Variants in CUL5 observed in about 807,000 individuals in gnomAD.
CUL5 encodes the protein cullin-5.
Under a neutral mutation model 108.8 loss-of-function variants are expected in CUL5, and 26 were observed. That is an observed-to-expected ratio of 0.24 (90% CI 0.18 to 0.33). The LOEUF (loss-of-function observed/expected upper bound fraction) is 0.33. CUL5 is among the 10% of genes least tolerant of loss of function. The probability of loss-of-function intolerance (pLI) is 1.00; values close to 1 mark genes in which losing one functional copy is unlikely to be tolerated. For synonymous variants in CUL5, 334 were observed against 298.0 expected, an observed-to-expected ratio of 1.12 and a Z score of -1.25; for missense variants, 524 against 909.2, an observed-to-expected ratio of 0.58 and a Z score of 5.45.
At chr11:108,019,233 A>G (rs1396175218) in intron 1 of CUL5, among the ~76,000 whole-genome samples, 3 of 151,906 alleles carry the variant, frequency 2.0e-5, no homozygotes, top group Non-Finnish European at 2.9e-5. Flanking sequence ...TCCTGGAATC[A>G]TTTCCCCACA....
intron 1 of CUL5, among the ~76,000 whole-genome samples, chr11:108,022,779 T>C (rs1343446785): frequency 6.6e-6 from 1 of 152,180 alleles, no homozygotes; most frequent in Non-Finnish European, 1.5e-5. Context: ...TCTGAGCCGG[T>C]GGTTCAAGAC....
chr11:108,011,878 G>A (rs920176767), intron 1 of CUL5, among the ~76,000 whole-genome samples: 18 of 152,110 alleles, frequency 1.2e-4, no homozygotes, highest in Non-Finnish European at 8.8e-5. Context: ...CACCCTCCTC[G>A]ACCTCTCAAA....
chr11:108,082,714 A>T (rs1287326834), intron 11 of CUL5, among the ~76,000 whole-genome samples: 1 of 151,784 alleles, frequency 6.6e-6, no homozygotes, highest in African/African-American at 2.4e-5. Context: ...GCATGATCAC[A>T]GCTCACTGCA....
chr11:108,043,708 A>G (rs926210123), intron 2 of CUL5, among the ~76,000 whole-genome samples: 2 of 152,310 alleles, frequency 1.3e-5, no homozygotes, highest in Middle Eastern at 3.4e-3. Context: ...GTACTTTAGA[A>G]TTGCTATGAA....
chr11:108,093,376 T>C (rs1487212077), intron 13 of CUL5, among the ~76,000 whole-genome samples: 1 of 152,210 alleles, frequency 6.6e-6, no homozygotes, highest in Non-Finnish European at 1.5e-5. Flanking sequence ...TATCTTATCT[T>C]TTTTGTCACT....
At chr11:108,096,390 G>C (rs1334171318) in intron 16 of CUL5, among the ~76,000 whole-genome samples, 1 of 151,008 alleles carries the variant, frequency 6.6e-6, no homozygotes, top group Non-Finnish European at 1.5e-5. Flanking sequence ...TACTTGGAAG[G>C]CTGAGGTGGG....
At chr11:108,080,245 C>T (rs1452888034) in intron 11 of CUL5, among the ~76,000 whole-genome samples, 1 of 150,694 alleles carries the variant, frequency 6.6e-6, no homozygotes, top group Non-Finnish European at 1.5e-5. Context: ...TATAAGCACA[C>T]ACCACCATAC....
intron 2 of CUL5, among the ~76,000 whole-genome samples, chr11:108,044,287 G>A (rs930014317): frequency 5.3e-5 from 8 of 152,070 alleles, no homozygotes; most frequent in African/African-American, 1.9e-4. Flanking sequence ...AGGCTGAGGC[G>A]GGTGGATCAC....
At chr11:108,036,806 C>T (rs1435556313) in intron 2 of CUL5, among the ~76,000 whole-genome samples, 1 of 152,158 alleles carries the variant, frequency 6.6e-6, no homozygotes, top group Non-Finnish European at 1.5e-5. Flanking sequence ...TAAATTTAAT[C>T]AACCCCCAGC....
chr11:108,049,831 GTTC>G lies in CUL5; in HGVS notation c.235-56_235-54del, dbSNP rs1863165929. 5.1e-6 allele frequency: 7 copies of G among 1,369,438 alleles called. No individual in the cohort carries two copies. In the Admixed American group the frequency reaches 8.8e-5, roughly 17 times the overall value. 84.8% of individuals were successfully genotyped at this position (1,369,438 alleles called of 1,614,324 possible). A position where few individuals can be genotyped will look rare whatever the true frequency, so the allele number is the denominator to read the frequency against. On this transcript the variant is annotated intron_variant, in intron 3 of 18. Transcript: ENST00000393094. ...ACAATTTAAATTTTGGCATGAATATGTTCTTAATTTTTCAAAGCAACTGCATTT... is the reference window on the plus strand; with the variant it reads ...ACAATTTAAATTTTGGCATGAATATGTTAATTTTTCAAAGCAACTGCATTT...
rs570316917 is a variant in CUL5, at chr11:108,009,387, C to T, written c.24+15C>T. On this transcript the variant is annotated intron_variant, in intron 1 of 18. Coordinates refer to ENST00000393094, the MANE Select transcript of CUL5 (RefSeq NM_003478.6). ...ATCTGTTAAAGGTAAGACCCTCACT[C>T]CAGCTTGGGTTTTACTGTGTGGCCG... 1.9e-6 allele frequency: 3 copies of T among 1,613,506 alleles called. No individual in the cohort carries two copies. The highest frequency in any genetic ancestry group is 1.7e-5 in the Admixed American group (1 of 59,992).
intron 7 of CUL5, 65 bp from the exon 8 acceptor site, chr11:108,070,031 T>G: frequency 4.1e-6 from 4 of 970,174 alleles, no homozygotes; most frequent in Non-Finnish European, 6.3e-6. Context: ...TTTTATTTTG[T>G]GAGTTAGAAT....
At chr11:108,091,624 G>A (rs546621686) in intron 13 of CUL5, among the ~76,000 whole-genome samples, 1 of 148,978 alleles carries the variant, frequency 6.7e-6, no homozygotes, top group East Asian at 2.0e-4. Context: ...GTGAGGTGGA[G>A]GTTGCATTGA....
At chr11:108,020,716 A>C (rs1374342080) in intron 1 of CUL5, among the ~76,000 whole-genome samples, 2 of 152,200 alleles carry the variant, frequency 1.3e-5, no homozygotes, top group Admixed American at 6.5e-5. Context: ...GTTATTTACA[A>C]AAAAGTCAAA....
At chr11:108,097,594 A>C in intron 16 of CUL5, 42 bp from the exon 17 acceptor site, 1 of 1,119,044 alleles carries the variant, frequency 8.9e-7, no homozygotes. Context: ...AGTATTCCAT[A>C]CTGTTTATAG....
At chr11:108,018,728 C>A (rs944139647) in intron 1 of CUL5, among the ~76,000 whole-genome samples, 2 of 151,968 alleles carry the variant, frequency 1.3e-5, no homozygotes, top group Admixed American at 1.3e-4. Flanking sequence ...GTGGCACCCG[C>A]ACACATTTAT....
chr11:108,050,952 A>G (rs750415043), intron 4 of CUL5, among the ~76,000 whole-genome samples: 7 of 152,200 alleles, frequency 4.6e-5, no homozygotes, highest in Non-Finnish European at 1.0e-4. Context: ...CATTTTCCAT[A>G]TATCTTTCCA....
At chr11:108,044,740 CT>C (rs529529275) in intron 2 of CUL5, among the ~76,000 whole-genome samples, 1,883 of 146,654 alleles carry the variant, frequency 0.013, 47 homozygotes, top group African/African-American at 0.043. Context: ...AATTTTTTTA[CT>C]TTTTTTTTTA....
rs531021225 is a variant in CUL5, at chr11:108,022,469, C to T, written c.25-11333C>T. On this transcript the variant is annotated intron_variant, in intron 1 of 18. Coordinates refer to ENST00000393094, the MANE Select transcript of CUL5 (RefSeq NM_003478.6). ...TAGTAAAGTGGGATTGTTACAGATA[C>T]GCTAATTGCTTGAAAATGCACTCCT... Among the ~76,000 whole-genome samples, 81 of 152,128 alleles carry T rather than the reference C, an allele frequency of 5.3e-4. No homozygotes were observed. In the Middle Eastern group the frequency reaches 0.014, roughly 26 times the overall value.
Sources: gnomAD v4.1 joint callset for allele counts (sites outside exome capture counted in the v4.1 genomes callset) on GRCh38, gnomAD v4.1.1 for gene constraint, MANE v1.5 for transcripts, NCBI Gene and HGNC (gene_info 2026-07-23, HGNC 2026-07-21) for gene names.